PITRM1: variants seen among roughly 807,000 people sequenced by gnomAD.
PITRM1 encodes the protein presequence protease, mitochondrial.
In PITRM1, 100 loss-of-function variants were observed where a neutral mutation model predicts 129.9. That is an observed-to-expected ratio of 0.77 (90% CI 0.65 to 0.91). PITRM1 has a LOEUF of 0.91. Among genes scored for constraint, PITRM1 ranks in the 40% least tolerant of loss-of-function variants. The pLI is 0.00. For synonymous variants in PITRM1, 591 were observed against 508.8 expected (o/e 1.16, Z -2.17); for missense variants, 1,471 against 1,318.3 (o/e 1.12, Z -1.79).
intron 25 of PITRM1, 46 bp from the exon 26 acceptor site, chr10:3,138,383 C>T (rs1349734477): frequency 6.8e-6 from 9 of 1,330,456 alleles, no homozygotes; most frequent in Admixed American, 3.4e-5. Context: ...CCCGGGAGCT[C>T]GCGTTGTGGG....
At chr10:3,151,540 C>T (rs540978814) in intron 14 of PITRM1, among the ~76,000 whole-genome samples, 177 bp from the exon 15 acceptor site, 28 of 152,290 alleles carry the variant, frequency 1.8e-4, no homozygotes, top group Middle Eastern at 3.4e-3. Context: ...CATATTTAGA[C>T]GCACTAATAA....
At chr10:3,152,567 G>A (rs936050487) in intron 14 of PITRM1, among the ~76,000 whole-genome samples, 12 of 152,326 alleles carry the variant, frequency 7.9e-5, no homozygotes, top group South Asian at 6.2e-4. Flanking sequence ...CTCTGGAGCC[G>A]CAACTGCCAT....
rs996320560 is a variant in PITRM1 at position 3,147,192 on chromosome 10, A to T, written c.2294T>A (p.Leu765His). 2.5e-6 allele frequency: 4 copies of T among 1,610,626 alleles called. No homozygotes were observed. The African/African-American group carries it at 5.3e-5, about 22-fold the overall frequency. The change falls in exon 20 of 27, where the codon CTC becomes CAC. Residue 765 changes from leucine (L) to histidine (H), a missense_variant. By Grantham distance (99) the Leu-to-His change is moderately conservative. Transcript: ENST00000224949. The stretch of plus-strand genomic sequence containing the variant: ...TAACAAGTGTTTCTTGATACGCGGG[A>T]GCTTCCTCAGGATGGGTTTGATATC... The part of the protein sequence containing the change: ...MTDIKPILRK[L>H]PRIKKHLLNG...
At chr10:3,155,455 G>T in intron 14 of PITRM1, 136 bp downstream of exon 14, 3 of 1,028,014 alleles carry the variant, frequency 2.9e-6, no homozygotes, top group African/African-American at 1.6e-5. Flanking sequence ...TCAATGCATC[G>T]AACGTGAGCT....
At chr10:3,138,441 C>T in intron 25 of PITRM1, 104 bp from the exon 26 acceptor site, 1 of 773,118 alleles carries the variant, frequency 1.3e-6, no homozygotes. Flanking sequence ...ACTGTCATTT[C>T]ACGTGCATGT....
At position 3,137,974 on chromosome 10, in the gene PITRM1, T is replaced by C. The variant is rs1164391876; in HGVS notation, c.*57A>G. On this transcript the variant is annotated 3_prime_UTR_variant, in exon 27 of 27. Coordinates refer to ENST00000224949, the MANE Select transcript of PITRM1 (RefSeq NM_014889.4). Reference sequence around the variant, plus strand: ...AAGCAGTAGCATTTCTGACTTTTCATATTCAGCTCGGAGGTGTATTGTCTC... The same window carrying C: ...AAGCAGTAGCATTTCTGACTTTTCACATTCAGCTCGGAGGTGTATTGTCTC... The C allele has an allele frequency of 5.1e-6, 5 of 988,244 alleles. No homozygotes were observed. The highest frequency in any genetic ancestry group is 4.9e-5 in the African/African-American group (3 of 61,768). The allele number at this position is 988,244 out of a possible 1,614,324, so 61.2% of individuals were successfully genotyped here.
At chr10:3,148,475 C>T (rs1370751152) in intron 16 of PITRM1, 184 bp from the exon 17 acceptor site, 8 of 651,080 alleles carry the variant, frequency 1.2e-5, no homozygotes, top group Non-Finnish European at 1.7e-5. Flanking sequence ...AGTTCATGTG[C>T]CCCCTTCCCC....
intron 4 of PITRM1, 39 bp from the exon 5 acceptor site, chr10:3,165,566 G>C: frequency 8.7e-7 from 1 of 1,145,032 alleles, no homozygotes; most frequent in Non-Finnish European, 1.3e-6. Context: ...AAATATAACA[G>C]ATTTCTACTA....
chr10:3,163,605 T>C, intron 7 of PITRM1, 120 bp downstream of exon 7: 2 of 884,360 alleles, frequency 2.3e-6, no homozygotes, highest in Non-Finnish European at 3.4e-6. Context: ...GAATCTTACC[T>C]AGACTTAGAT....
chr10:3,148,217 G>C lies in PITRM1; in HGVS notation c.1946C>G (p.Ser649Cys). 1 of 1,614,010 alleles carries C rather than the reference G, an allele frequency of 6.2e-7. No homozygotes were observed. The highest frequency in any genetic ancestry group is 8.5e-7 in the Non-Finnish European group (1 of 1,179,882). Residue 649 changes from serine (S) to cysteine (C), a missense_variant, in exon 17 of 27, where the codon TCT becomes TGT. Ser to Cys is a moderately radical substitution (Grantham distance 112, BLOSUM62 -1). Transcript: ENST00000224949. ...IELKTGGMSA[S>C]PHVLPDDSHM... is the part of the protein sequence containing the mutation. ...TGAGTCGTCGGGGAGCACGTGGGGA[G>C]AAGCACTCATCCCTCCGGTCTTCAA...
chr10:3,172,379 C>G (rs1303929620), intron 1 of PITRM1, among the ~76,000 whole-genome samples: 1 of 152,220 alleles, frequency 6.6e-6, no homozygotes, highest in Non-Finnish European at 1.5e-5. Context: ...CAAAAATGAA[C>G]TAGGAGCAAA....
At chr10:3,168,149 CGCTG>C (rs1843027045) in intron 2 of PITRM1, among the ~76,000 whole-genome samples, 1 of 152,066 alleles carries the variant, frequency 6.6e-6, no homozygotes, top group East Asian at 1.9e-4. Flanking sequence ...CACAGTAAGT[CGCTG>C]GCCAAGGTCA....
intron 7 of PITRM1, among the ~76,000 whole-genome samples, chr10:3,160,576 C>A (rs1014660800): frequency 6.6e-6 from 1 of 151,914 alleles, no homozygotes; most frequent in African/African-American, 2.4e-5. Flanking sequence ...TGTTGTTAAC[C>A]TCTCGCTGTG....
intron 23 of PITRM1, 118 bp downstream of exon 23, chr10:3,143,271 A>G (rs1465051042): frequency 3.0e-6 from 2 of 668,970 alleles, no homozygotes; most frequent in Admixed American, 2.3e-5. Flanking sequence ...CCCAGGTCCA[A>G]CACTCAGAGT....
chr10:3,137,832 G>A lies in PITRM1; in HGVS notation c.*199C>T, dbSNP rs564701454. 1.1e-4 allele frequency: 63 copies of A among 567,974 alleles called. No homozygotes were observed. Among genetic ancestry groups the A allele is most frequent in the South Asian group, 3.1e-4 (15 of 48,478 alleles). 35.2% of individuals were successfully genotyped at this position (567,974 alleles called of 1,614,324 possible). On this transcript the variant is annotated 3_prime_UTR_variant, in exon 27 of 27. Coordinates refer to ENST00000224949, the MANE Select transcript of PITRM1 (RefSeq NM_014889.4). Reference sequence around the variant, plus strand: ...AAATTCTACATGGTGCATCTTTGGCGCTTCATGCATGATTATTTCAATGAA... The same window carrying A: ...AAATTCTACATGGTGCATCTTTGGCACTTCATGCATGATTATTTCAATGAA...
At chr10:3,156,616 A>G (rs1432245515) in intron 13 of PITRM1, among the ~76,000 whole-genome samples, 1 of 152,252 alleles carries the variant, frequency 6.6e-6, no homozygotes, top group East Asian at 1.9e-4. Flanking sequence ...GATTCATTAC[A>G]TTTGGGTGAC....
rs1403217455 is a variant in PITRM1 at position 3,140,820 on chromosome 10, G to T, written c.2646-8C>A. On this transcript the variant is annotated splice_polypyrimidine_tract_variant and splice_region_variant and intron_variant, in intron 23 of 26. Coordinates refer to ENST00000224949, the MANE Select transcript of PITRM1 (RefSeq NM_014889.4). ...CGTGCAAGGATTTTAAGACTGAAATGATTAAAAAATGCAAGTTAATACCGT... is the reference window on the plus strand; with the variant it reads ...CGTGCAAGGATTTTAAGACTGAAATTATTAAAAAATGCAAGTTAATACCGT... 6 of 1,568,918 alleles carry T rather than the reference G, an allele frequency of 3.8e-6. No individual in the cohort carries two copies. The highest frequency in any genetic ancestry group is 5.2e-6 in the Non-Finnish European group (6 of 1,153,916).
rs1259977249 is a variant in PITRM1, at chr10:3,145,653, A to C, written c.2400T>G (p.Leu800=). 1.9e-6 allele frequency: 3 copies of C among 1,550,502 alleles called. No individual in the cohort carries two copies. The East Asian group carries it at 7.3e-5, about 38-fold the overall frequency. Residue 800 remains leucine, a synonymous_variant, in exon 21 of 27, where the codon CTT becomes CTG. Transcript: ENST00000224949. ...PQTEKAVEDF[L]RSIGRSKKER... ...CCTTTTTACTCCGACCGATGCTTCT[A>C]AGGAAGTCTTCGACCGCTTTTTCTG...
At chr10:3,153,571 A>G (rs896163708) in intron 14 of PITRM1, among the ~76,000 whole-genome samples, 1 of 152,162 alleles carries the variant, frequency 6.6e-6, no homozygotes, top group Admixed American at 6.5e-5. Context: ...GTGAGCCGAG[A>G]TCGTGCCACT....
Sources: gnomAD v4.1 joint callset for allele counts (sites outside exome capture counted in the v4.1 genomes callset) on GRCh38, gnomAD v4.1.1 for gene constraint, MANE v1.5 for transcripts, NCBI Gene and HGNC (gene_info 2026-07-23, HGNC 2026-07-21) for gene names.